The following TMTC1 variants were observed in gnomAD, a reference collection of about 807,000 sequenced individuals.
TMTC1 encodes the protein transmembrane O-mannosyltransferase targeting cadherins 1, also known as protein O-mannosyl-transferase TMTC1.
A neutral mutation model predicts 104.8 loss-of-function variants in TMTC1; 73 were observed. That is an observed-to-expected ratio of 0.70 (90% confidence interval 0.58 to 0.85). The LOEUF (loss-of-function observed/expected upper bound fraction) is 0.85, where lower values mean the gene tolerates loss of function less well. Among genes scored for constraint, TMTC1 ranks in the 40% least tolerant of loss-of-function variants. TMTC1 has a pLI of 0.00. For synonymous variants in TMTC1, 434 were observed against 428.7 expected (o/e 1.01, Z -0.15); for missense variants, 1,035 against 1,096.1 (o/e 0.94, Z 0.79).
intron 5 of TMTC1, among the ~76,000 whole-genome samples, chr12:29,671,104 C>T (rs747020150): frequency 6.6e-5 from 10 of 150,778 alleles, no homozygotes; most frequent in Non-Finnish European, 1.2e-4. Context: ...CCAGCCTGAC[C>T]AGCATGGTGA....
At chr12:29,618,577 G>A (rs543746701) in intron 6 of TMTC1, among the ~76,000 whole-genome samples, 3 of 151,422 alleles carry the variant, frequency 2.0e-5, no homozygotes, top group African/African-American at 7.3e-5. Flanking sequence ...TTGATGGAGG[G>A]ATGATTCTTC....
At chr12:29,585,587 G>A (rs1217725582) in intron 7 of TMTC1, among the ~76,000 whole-genome samples, 1 of 152,182 alleles carries the variant, frequency 6.6e-6, no homozygotes, top group Non-Finnish European at 1.5e-5. Context: ...TAACATGTAA[G>A]TCTTTAATCC....
intron 5 of TMTC1, among the ~76,000 whole-genome samples, chr12:29,703,255 G>A (rs1263625586): frequency 6.6e-6 from 1 of 152,040 alleles, no homozygotes; most frequent in Non-Finnish European, 1.5e-5. Context: ...AAGCATGAAA[G>A]AGTCATGGGA....
Position 29,541,365 on chromosome 12 carries a change from C to G in TMTC1, c.1677-5048G>C, listed in dbSNP as rs373007446. On this transcript the variant is annotated intron_variant, in intron 10 of 17. Coordinates refer to ENST00000539277, the MANE Select transcript of TMTC1 (RefSeq NM_001193451.2). ...CTGGCGTCTCACTCTACATCTACCA[C>G]TTACTAGCTGTGTTTCCTTAGGCAA... Among the ~76,000 whole-genome samples the G allele has an allele frequency of 9.2e-5, 14 of 152,324 alleles. No homozygotes were observed. In the East Asian group the frequency reaches 2.7e-3, roughly 29 times the overall value.
Position 29,583,520 on chromosome 12 carries a change from C to G in TMTC1, c.1305G>C (p.Leu435=), listed in dbSNP as rs1946041339. Residue 435 remains leucine, a synonymous_variant, in exon 8 of 18, where the codon CTG becomes CTC. Transcript: ENST00000539277. The part of the protein sequence containing the change: ...VHGLSKLCTW[L]NRCGATTLIV... ...TCAGGGTGGTGGCCCCACATCGATT[C>G]AGCCAAGTGCAGAGCTTGCTCAGTC... 6.2e-7 allele frequency: 1 copy of G among 1,613,844 alleles called. No individual in the cohort carries two copies. Among genetic ancestry groups the G allele is most frequent in the Non-Finnish European group, 8.5e-7 (1 of 1,179,856 alleles).
chr12:29,748,809 G>A (rs931947243), intron 5 of TMTC1, among the ~76,000 whole-genome samples: 1 of 152,060 alleles, frequency 6.6e-6, no homozygotes, highest in Non-Finnish European at 1.5e-5. Flanking sequence ...TTTACAAGTC[G>A]CTTACTTAAA....
chr12:29,519,908 A>C (rs1354447082), intron 12 of TMTC1: 2 of 152,234 alleles, frequency 1.3e-5, no homozygotes, highest in Non-Finnish European at 2.9e-5. Context: ...AACCCCTTTA[A>C]GCATTTCATA....
chr12:29,572,083 AC>A, intron 9 of TMTC1, 21 bp downstream of exon 9: 1 of 1,589,564 alleles, frequency 6.3e-7, no homozygotes, highest in Non-Finnish European at 8.6e-7. Flanking sequence ...CAAGGCCAAC[AC>A]CCTCCCTGTG....
chr12:29,708,689 T>G (rs1408781468), intron 5 of TMTC1, among the ~76,000 whole-genome samples: 1 of 152,156 alleles, frequency 6.6e-6, no homozygotes, highest in Non-Finnish European at 1.5e-5. Flanking sequence ...GTTAAATACA[T>G]TCTAAAGACA....
intron 5 of TMTC1, among the ~76,000 whole-genome samples, chr12:29,695,793 TTATATATATATATATATATA>T (rs113135039): frequency 1.6e-4 from 13 of 83,804 alleles, no homozygotes; most frequent in South Asian, 1.1e-3. Context: ...TACTTCCTTT[TTATATATATATATATATATA>T]TATATATATA....
intron 5 of TMTC1, chr12:29,658,945 A>C (rs1446771154): frequency 6.6e-6 from 1 of 152,242 alleles, no homozygotes; most frequent in African/African-American, 2.4e-5. Context: ...ACATCACAGC[A>C]AATAAAATAG....
Position 29,631,678 on chromosome 12 carries a change from C to T in TMTC1, c.1128+1469G>A, listed in dbSNP as rs144688832. 3.6e-3 allele frequency among the ~76,000 whole-genome samples: 549 copies of T among 152,236 alleles called. 2 individuals carry two copies. The highest frequency in any genetic ancestry group is 0.013 in the African/African-American group (532 of 41,522). ...CGTTGGTTAAACTGGGTGTTGCATG[C>T]CACACATTGTAGGGACCCTGGATTC... is the stretch of plus-strand genomic sequence containing the variant. On this transcript the variant is annotated intron_variant, in intron 6 of 17. Coordinates refer to ENST00000539277, the MANE Select transcript of TMTC1 (RefSeq NM_001193451.2).
chr12:29,627,005 G>A (rs1478829442), intron 6 of TMTC1, among the ~76,000 whole-genome samples: 2 of 152,168 alleles, frequency 1.3e-5, no homozygotes, highest in Non-Finnish European at 2.9e-5. Context: ...GGGAGGCTGA[G>A]GCAGGAGAAT....
rs553138762 is a variant in TMTC1, at chr12:29,759,516, G to A, written c.481-739C>T. Reference sequence around the variant, plus strand: ...TCTCAAAAAATAAAAAAATAAACAGGAAAGGGAATGAGTTTGAACTCATGA... The same window carrying A: ...TCTCAAAAAATAAAAAAATAAACAGAAAAGGGAATGAGTTTGAACTCATGA... On this transcript the variant is annotated intron_variant, in intron 2 of 17. Transcript: ENST00000539277. Among the ~76,000 whole-genome samples the A allele has an allele frequency of 1.2e-3, 188 of 152,210 alleles. 1 individual carries two copies. The highest frequency in any genetic ancestry group is 0.01 in the South Asian group (50 of 4,830).
rs1015326068 is a variant in TMTC1 at position 29,723,899 on chromosome 12, A to G, written c.938+27767T>C. The stretch of plus-strand genomic sequence containing the variant: ...AAAGAAAAGATGGAAGGAAAAAAGT[A>G]AAGAAGGGGGACTCAGGTAAAGTGA... On this transcript the variant is annotated intron_variant, in intron 5 of 17. Transcript: ENST00000539277. Among the ~76,000 whole-genome samples the G allele has an allele frequency of 1.1e-4, 17 of 152,232 alleles. No individual in the cohort carries two copies. In the South Asian group the frequency reaches 1.2e-3, roughly 11 times the overall value.
intron 5 of TMTC1, among the ~76,000 whole-genome samples, chr12:29,672,964 C>T (rs2136686615): frequency 6.6e-6 from 1 of 152,304 alleles, no homozygotes; most frequent in South Asian, 2.1e-4. Context: ...GGCCCCCACC[C>T]CTAATGCCCT....
chr12:29,610,211 A>G (rs566343237), intron 6 of TMTC1, among the ~76,000 whole-genome samples: 2 of 152,192 alleles, frequency 1.3e-5, no homozygotes, highest in Admixed American at 1.3e-4. Context: ...AAAGGATCGG[A>G]GCTCGGGCTG....
rs78057477 is a variant in TMTC1, at chr12:29,639,620, C to G, written c.939-6284G>C. 2.4e-3 allele frequency among the ~76,000 whole-genome samples: 358 copies of G among 152,282 alleles called. 3 individuals carry two copies. Among genetic ancestry groups the G allele is most frequent in the African/African-American group, 8.5e-3 (353 of 41,548 alleles). ...TATTTCATGAACTAGCAATTCCACT[C>G]CTAAGCAATTCCACCCAACAGCATT... On this transcript the variant is annotated intron_variant, in intron 5 of 17. Coordinates refer to ENST00000539277, the MANE Select transcript of TMTC1 (RefSeq NM_001193451.2).
chr12:29,538,173 C>T (rs1343575428), intron 10 of TMTC1, among the ~76,000 whole-genome samples: 1 of 152,066 alleles, frequency 6.6e-6, no homozygotes, highest in Admixed American at 6.6e-5. Context: ...TATTACAGCT[C>T]GCTTAGTGCT....
Sources: gnomAD v4.1 joint callset for allele counts (sites outside exome capture counted in the v4.1 genomes callset) on GRCh38, gnomAD v4.1.1 for gene constraint, MANE v1.5 for transcripts, NCBI Gene and HGNC (gene_info 2026-07-23, HGNC 2026-07-21) for gene names.